Variants in FGF14 observed in about 807,000 individuals in gnomAD.
FGF14 encodes fibroblast growth factor homologous factor 4.
Under a neutral mutation model 25.5 loss-of-function variants are expected in FGF14, and 5 were observed. That is an observed-to-expected ratio of 0.20 (90% CI 0.10 to 0.41). The LOEUF (loss-of-function observed/expected upper bound fraction) is 0.41, where lower values mean the gene tolerates loss of function less well. Ranked by LOEUF, FGF14 falls within the 10% of genes least tolerant of loss-of-function variation. FGF14 has a pLI of 1.00. For missense variants in FGF14, 222 were observed against 320.1 expected (o/e 0.69, Z 2.34); for synonymous variants, 138 against 118.3 (o/e 1.17, Z -1.08).
At chr13:101,962,247 G>A (rs537901823) in intron 1 of FGF14, among the ~76,000 whole-genome samples, 11 of 152,224 alleles carry the variant, frequency 7.2e-5, no homozygotes, top group Admixed American at 6.5e-4. Flanking sequence ...GCAGTGGTTT[G>A]TTGCTCTCCT....
chr13:101,866,457 G>A (rs1294164698), intron 3 of FGF14, among the ~76,000 whole-genome samples: 1 of 152,086 alleles, frequency 6.6e-6, no homozygotes, highest in Non-Finnish European at 1.5e-5. Context: ...CTGTATATCA[G>A]TGTCCTTATT....
intron 1 of FGF14, among the ~76,000 whole-genome samples, chr13:101,937,108 A>G (rs2035152414): frequency 6.6e-6 from 1 of 152,186 alleles, no homozygotes; most frequent in South Asian, 2.1e-4. Flanking sequence ...GCCCTAAAGG[A>G]CATTCCAGAC....
At chr13:101,732,251 G>T (rs2035856733) in intron 3 of FGF14, among the ~76,000 whole-genome samples, 1 of 152,122 alleles carries the variant, frequency 6.6e-6, no homozygotes, top group South Asian at 2.1e-4. Flanking sequence ...AAGACTAAAT[G>T]AAAATTATGT....
intron 1 of FGF14, among the ~76,000 whole-genome samples, chr13:102,082,684 G>T (rs1430282217): frequency 2.0e-5 from 3 of 152,190 alleles, no homozygotes; most frequent in Non-Finnish European, 4.4e-5. Flanking sequence ...GCCGGGCGCG[G>T]TGGCTCACGC....
chr13:102,275,803 T>A (rs1188743086), intron 1 of FGF14, among the ~76,000 whole-genome samples: 1 of 152,144 alleles, frequency 6.6e-6, no homozygotes, highest in Non-Finnish European at 1.5e-5. Context: ...TTTAACTCCC[T>A]CTACAATCTT....
chr13:101,730,061 G>C (rs960156816), intron 3 of FGF14, among the ~76,000 whole-genome samples: 1 of 152,138 alleles, frequency 6.6e-6, no homozygotes, highest in African/African-American at 2.4e-5. Flanking sequence ...AGATAGGTTT[G>C]AGAAACATAA....
intron 1 of FGF14, among the ~76,000 whole-genome samples, chr13:101,913,476 A>C (rs2033160404): frequency 6.9e-6 from 1 of 145,722 alleles, no homozygotes; most frequent in Non-Finnish European, 1.5e-5. Context: ...CTTTACATTA[A>C]ATAAATTACT....
At chr13:102,221,061 G>A (rs1207814690) in intron 1 of FGF14, among the ~76,000 whole-genome samples, 1 of 152,176 alleles carries the variant, frequency 6.6e-6, no homozygotes, top group African/African-American at 2.4e-5. Flanking sequence ...AAGGAGAGCG[G>A]ACATACAACA....
chr13:102,016,194 C>T lies in FGF14; in HGVS notation c.209-140898G>A, dbSNP rs191369934. ...AGTTTAACTGTAATCTACATAATTC[C>T]CATTTTACAGTTGAGAAAATTGTGG... On this transcript the variant is annotated intron_variant, in intron 1 of 4. Coordinates refer to the FGF14 transcript ENST00000376131. Among the ~76,000 whole-genome samples, 621 of 152,010 alleles carry T rather than the reference C, an allele frequency of 4.1e-3. 3 individuals carry two copies. The highest frequency in any genetic ancestry group is 0.014 in the African/African-American group (596 of 41,476).
chr13:102,136,140 T>C (rs2046399110), intron 1 of FGF14, among the ~76,000 whole-genome samples: 1 of 152,152 alleles, frequency 6.6e-6, no homozygotes, highest in South Asian at 2.1e-4. Context: ...TAATGCTCCA[T>C]TCTATGTCAT....
intron 1 of FGF14, among the ~76,000 whole-genome samples, chr13:102,078,372 C>T (rs989896050): frequency 2.0e-5 from 3 of 151,952 alleles, no homozygotes; most frequent in East Asian, 1.9e-4. Context: ...TTCAAAACAG[C>T]GTGATGTACA....
chr13:101,945,217 C>T (rs1026900212), intron 1 of FGF14, among the ~76,000 whole-genome samples: 1 of 152,092 alleles, frequency 6.6e-6, no homozygotes, highest in African/African-American at 2.4e-5. Flanking sequence ...ACTTGGGAGG[C>T]TGAGGCAGGA....
At chr13:101,845,132 A>G (rs138212408) in intron 3 of FGF14, among the ~76,000 whole-genome samples, 32 of 152,168 alleles carry the variant, frequency 2.1e-4, no homozygotes, top group Non-Finnish European at 2.9e-4. Context: ...AGACAATAAT[A>G]CAGTACGCCT....
At chr13:102,178,109 A>G (rs574452016) in intron 1 of FGF14, among the ~76,000 whole-genome samples, 4 of 152,132 alleles carry the variant, frequency 2.6e-5, no homozygotes, top group Non-Finnish European at 5.9e-5. Context: ...CAGCTCCCTC[A>G]TATCCCAGTG....
At chr13:102,356,211 G>T (rs1410078183) in intron 1 of FGF14, among the ~76,000 whole-genome samples, 2 of 152,198 alleles carry the variant, frequency 1.3e-5, no homozygotes, top group South Asian at 2.1e-4. Flanking sequence ...AAACATCTCA[G>T]CTGAATGTAA....
At chr13:102,033,420 C>T (rs575819946) in intron 1 of FGF14, among the ~76,000 whole-genome samples, 42 of 152,190 alleles carry the variant, frequency 2.8e-4, no homozygotes, top group African/African-American at 9.6e-4. Flanking sequence ...GAAAAAGAAG[C>T]GTTCTATATT....
At chr13:102,075,485 A>G (rs1460631035) in intron 1 of FGF14, among the ~76,000 whole-genome samples, 1 of 152,208 alleles carries the variant, frequency 6.6e-6, no homozygotes, top group African/African-American at 2.4e-5. Flanking sequence ...CTGGTGTAAA[A>G]AAACCTACTG....
At chr13:102,018,471 C>T (rs1403572972) in intron 1 of FGF14, among the ~76,000 whole-genome samples, 1 of 152,080 alleles carries the variant, frequency 6.6e-6, no homozygotes, top group East Asian at 1.9e-4. Context: ...AGTTTCCATG[C>T]CATCACTGGT....
At chr13:102,198,610 A>C (rs2049475120) in intron 1 of FGF14, among the ~76,000 whole-genome samples, 1 of 152,202 alleles carries the variant, frequency 6.6e-6, no homozygotes, top group Non-Finnish European at 1.5e-5. Context: ...TGGTAATGTC[A>C]GTCCTCCTTC....
Sources: allele counts gnomAD v4.1 joint callset (sites outside exome capture counted in the v4.1 genomes callset), GRCh38; gene constraint gnomAD v4.1.1; transcripts MANE v1.5; gene names NCBI Gene and HGNC (gene_info 2026-07-23, HGNC 2026-07-21).